MUSK: variants seen among roughly 807,000 people sequenced by gnomAD.
MUSK encodes muscle associated receptor tyrosine kinase.
In MUSK, 55 loss-of-function variants were observed where a neutral mutation model predicts 88.7. The observed-to-expected ratio is 0.62, with a 90% CI of 0.50 to 0.78. The LOEUF (loss-of-function observed/expected upper bound fraction) is 0.78, where lower values mean the gene tolerates loss of function less well. Ranked by LOEUF, MUSK falls within the 30% of genes least tolerant of loss-of-function variation. The pLI, the probability that MUSK is intolerant of heterozygous loss-of-function variation, is 0.00. For synonymous variants in MUSK, 387 were observed against 391.9 expected, an observed-to-expected ratio of 0.99 and a Z score of 0.15; for missense variants, 1,015 against 1,074.3, an observed-to-expected ratio of 0.94 and a Z score of 0.77.
Position 110,747,793 on chromosome 9 carries a change from C to T in MUSK, c.906C>T (p.Ser302=). The part of the protein sequence containing the change: ...FSTAKAAATI[S]IAEWSKPQKD... ...CTGCCAAGGCTGCAGCCACCATCAG[C>T]ATAGCAGGTAGGATGCCCCTTCACA... Residue 302 remains serine, a synonymous_variant, in exon 7 of 15, where the codon AGC becomes AGT. Coordinates refer to ENST00000374448, the MANE Select transcript of MUSK (RefSeq NM_005592.4). 6.2e-7 allele frequency: 1 copy of T among 1,613,738 alleles called. No homozygotes were observed. Among genetic ancestry groups the T allele is most frequent in the Middle Eastern group, 1.6e-4 (1 of 6,062 alleles).
chr9:110,700,699 A>G (rs2076490782), intron 5 of MUSK, among the ~76,000 whole-genome samples: 1 of 152,208 alleles, frequency 6.6e-6, no homozygotes, highest in South Asian at 2.1e-4. Context: ...ATTTGAACAT[A>G]CATAAGAGAA....
At chr9:110,697,983 TTTC>T (rs2076456154) in intron 5 of MUSK, among the ~76,000 whole-genome samples, 1 of 152,184 alleles carries the variant, frequency 6.6e-6, no homozygotes, top group Admixed American at 6.5e-5. Context: ...CAAAATCGTT[TTTC>T]TTTTCTTTCT....
intron 7 of MUSK, among the ~76,000 whole-genome samples, chr9:110,749,729 A>C (rs1173893490): frequency 3.9e-5 from 6 of 152,190 alleles, no homozygotes; most frequent in Non-Finnish European, 7.3e-5. Context: ...ATTGGTTCAA[A>C]GGGAAGAGGA....
chr9:110,689,709 A>ATAT (rs1259002278), intron 3 of MUSK, among the ~76,000 whole-genome samples: 5 of 55,304 alleles, frequency 9.0e-5, no homozygotes, highest in African/African-American at 4.2e-4. Context: ...ATAAATATAT[A>ATAT]ACTATATATG....
chr9:110,689,551 A>AGTTATATATG (rs1209989256), intron 3 of MUSK, among the ~76,000 whole-genome samples: 3 of 105,424 alleles, frequency 2.8e-5, no homozygotes, highest in Admixed American at 1.3e-4. Context: ...AGTTATATAT[A>AGTTATATATG]TTTATATATT....
At position 110,787,712 on chromosome 9, in the gene MUSK, G is replaced by A. The variant is rs1449686763; in HGVS notation, c.1801G>A (p.Glu601Lys). The A allele has an allele frequency of 6.2e-7, 1 of 1,613,924 alleles. No individual in the cohort carries two copies. The highest frequency in any genetic ancestry group is 1.1e-5 in the South Asian group (1 of 91,066). Residue 601 changes from glutamate to lysine, a missense_variant, in exon 14 of 15, where the codon GAA becomes AAA. By Grantham distance (56) the Glu-to-Lys change is moderately conservative. Coordinates refer to ENST00000374448, the MANE Select transcript of MUSK (RefSeq NM_005592.4). Reference protein sequence around the residue: ...QARAPGLLPYEPFTMVAVKML... With the variant: ...QARAPGLLPYKPFTMVAVKML... Reference sequence around the variant, plus strand: ...CAGGGCACCAGGCTTACTTCCCTATGAACCTTTCACTATGGTGGCAGTAAA... The same window carrying A: ...CAGGGCACCAGGCTTACTTCCCTATAAACCTTTCACTATGGTGGCAGTAAA...
chr9:110,736,163 A>G (rs971867844), intron 6 of MUSK, among the ~76,000 whole-genome samples: 3 of 152,136 alleles, frequency 2.0e-5, no homozygotes, highest in African/African-American at 4.8e-5. Flanking sequence ...GCACAAAAAA[A>G]TGACAAATTA....
chr9:110,706,063 A>C (rs1372464064), intron 5 of MUSK: 1 of 523,462 alleles, frequency 1.9e-6, no homozygotes, highest in African/African-American at 1.9e-5. Flanking sequence ...TGAAATTGAG[A>C]TTTTTCTTAC....
At chr9:110,698,910 T>G (rs2076467143) in intron 5 of MUSK, among the ~76,000 whole-genome samples, 1 of 152,048 alleles carries the variant, frequency 6.6e-6, no homozygotes, top group Non-Finnish European at 1.5e-5. Flanking sequence ...CTAGATCCAG[T>G]GTTTTCTTGT....
intron 9 of MUSK, among the ~76,000 whole-genome samples, chr9:110,772,391 A>G (rs2077589988): frequency 6.6e-6 from 1 of 151,820 alleles, no homozygotes; most frequent in African/African-American, 2.4e-5. Context: ...TGTCATTCAC[A>G]GTATACATTT....
At chr9:110,690,059 A>G (rs2076303042) in intron 3 of MUSK, among the ~76,000 whole-genome samples, 1 of 94,852 alleles carries the variant, frequency 1.1e-5, no homozygotes, top group African/African-American at 4.4e-5. Context: ...ATATAAATAT[A>G]TATTATGTAA....
intron 5 of MUSK, among the ~76,000 whole-genome samples, chr9:110,701,693 T>G (rs1342737146): frequency 0.029 from 1 of 34 alleles, no homozygotes; most frequent in Non-Finnish European, 0.05. Context: ...TACTTTACTT[T>G]ATTTTATTTT....
At chr9:110,729,253 T>C (rs2076930956) in intron 5 of MUSK, among the ~76,000 whole-genome samples, 1 of 146,166 alleles carries the variant, frequency 6.8e-6, no homozygotes, top group East Asian at 2.0e-4. Flanking sequence ...GGAAAATAGC[T>C]GGAAATTAAA....
intron 5 of MUSK, among the ~76,000 whole-genome samples, chr9:110,719,593 A>T (rs2076785145): frequency 6.6e-6 from 1 of 152,052 alleles, no homozygotes; most frequent in South Asian, 2.1e-4. Flanking sequence ...TTTATAAAAC[A>T]ATTATTACTA....
At chr9:110,735,934 C>CATGA (rs2077025428) in intron 6 of MUSK, among the ~76,000 whole-genome samples, 1 of 152,072 alleles carries the variant, frequency 6.6e-6, no homozygotes, top group African/African-American at 2.4e-5. Context: ...TTAACCCATT[C>CATGA]ATGAGACTTC....
At chr9:110,682,992 C>A (rs2076152253) in intron 2 of MUSK, among the ~76,000 whole-genome samples, 192 bp downstream of exon 2, 1 of 152,026 alleles carries the variant, frequency 6.6e-6, no homozygotes, top group Non-Finnish European at 1.5e-5. Context: ...CAATTACACA[C>A]TTTAAGTTAT....
Position 110,804,303 on chromosome 9 carries a change from G to A in MUSK, c.*3315G>A, listed in dbSNP as rs2078132735. Among the ~76,000 whole-genome samples the A allele has an allele frequency of 6.6e-6, 1 of 151,996 alleles. No individual in the cohort carries two copies. The highest frequency in any genetic ancestry group is 2.4e-5 in the African/African-American group (1 of 41,386). ...AGAAAGGAAATGTCTGGACCAAATGGCATGTACAATATTAACACTTCTGTT... is the reference window on the plus strand; with the variant it reads ...AGAAAGGAAATGTCTGGACCAAATGACATGTACAATATTAACACTTCTGTT... On this transcript the variant is annotated 3_prime_UTR_variant, in exon 15 of 15. Coordinates refer to ENST00000374448, the MANE Select transcript of MUSK (RefSeq NM_005592.4).
chr9:110,732,180 C>T (rs548760716), intron 5 of MUSK, among the ~76,000 whole-genome samples: 1 of 152,146 alleles, frequency 6.6e-6, no homozygotes, highest in South Asian at 2.1e-4. Flanking sequence ...TTCCAAATCT[C>T]TCAAAGATCC....
At chr9:110,782,363 A>G (rs2077774684) in intron 11 of MUSK, among the ~76,000 whole-genome samples, 1 of 152,212 alleles carries the variant, frequency 6.6e-6, no homozygotes, top group African/African-American at 2.4e-5. Flanking sequence ...AAACAAAACT[A>G]TCTTGAAGGA....
Sources: gnomAD v4.1 joint callset for allele counts (sites outside exome capture counted in the v4.1 genomes callset) on GRCh38, gnomAD v4.1.1 for gene constraint, MANE v1.5 for transcripts, NCBI Gene and HGNC (gene_info 2026-07-23, HGNC 2026-07-21) for gene names.